Variants in DGKQ observed in about 807,000 individuals in gnomAD.
DGKQ encodes the protein DAG kinase theta.
DGKQ carries 97 observed loss-of-function variants against 104.2 expected under a neutral mutation model. The ratio of observed to expected loss-of-function variants is 0.93; its 90% CI spans 0.79 to 1.10. The LOEUF (loss-of-function observed/expected upper bound fraction) is 1.10, where lower values mean the gene tolerates loss of function less well. Among genes scored for constraint, DGKQ ranks in the 50% least tolerant of loss-of-function variants. The pLI is 0.00. For synonymous variants in DGKQ, 736 were observed against 595.2 expected, an observed-to-expected ratio of 1.24 and a Z score of -3.44; for missense variants, 1,465 against 1,352.1, an observed-to-expected ratio of 1.08 and a Z score of -1.31.
At position 967,817 on chromosome 4, in the gene DGKQ, C is replaced by A; in HGVS notation, c.812-15G>T. ...GCCCCCCTCGCCTGCGGGTCGGGCA[C>A]ACGGACCCCTCATTCAGTGCGCAGC... On this transcript the variant is annotated splice_polypyrimidine_tract_variant and intron_variant, in intron 6 of 22. Transcript: ENST00000273814. 1.3e-6 allele frequency: 2 copies of A among 1,585,722 alleles called. No individual in the cohort carries two copies. The highest frequency in any genetic ancestry group is 1.7e-6 in the Non-Finnish European group (2 of 1,167,296).
chr4:970,374 GCTGTCACCA>G (rs1199869473), intron 2 of DGKQ, among the ~76,000 whole-genome samples: 3 of 152,216 alleles, frequency 2.0e-5, no homozygotes, highest in Non-Finnish European at 4.4e-5. Flanking sequence ...ACATGTCCCT[GCTGTCACCA>G]CTGTCACCAG....
chr4:962,082 T>C lies in DGKQ; in HGVS notation c.2215A>G (p.Ile739Val). Residue 739 changes from isoleucine (I) to valine (V), a missense_variant and splice_region_variant, in exon 19 of 23, where the codon ATC becomes GTC. Ile to Val is a conservative substitution (Grantham distance 29). Coordinates refer to ENST00000273814, the MANE Select transcript of DGKQ (RefSeq NM_001347.4). ...CCACAGTAGTTACTCATCTGCACGA[T>C]CTGGGGACAGGGCGTTCATCTCCCA... Reference protein sequence around the residue: ...NDTADAEPPKIVQMSNYCGIG... With the variant: ...NDTADAEPPKVVQMSNYCGIG... 6.2e-7 allele frequency: 1 copy of C among 1,610,726 alleles called. No individual in the cohort carries two copies. Among genetic ancestry groups the C allele is most frequent in the Non-Finnish European group, 8.5e-7 (1 of 1,179,660 alleles).
intron 20 of DGKQ, 36 bp downstream of exon 20, chr4:961,652 C>T (rs200004798): frequency 1.1e-5 from 17 of 1,611,444 alleles, no homozygotes; most frequent in Middle Eastern, 1.7e-4. Context: ...ATGGCCCCGC[C>T]GGGCAGAGCC....
chr4:965,334 C>A lies in DGKQ; in HGVS notation c.1619-43G>T, dbSNP rs202157276. On this transcript the variant is annotated intron_variant, in intron 14 of 22. Transcript: ENST00000273814. ...GACTCAGGGGGAGCCTGTCCCATGG[C>A]CCCCACGGTGCCAGGGCAGGAACCA... 1.4e-4 allele frequency: 215 copies of A among 1,586,180 alleles called. No individual in the cohort carries two copies. The Middle Eastern group carries it at 2.0e-3, about 15-fold the overall frequency.
Position 961,970 on chromosome 4 carries a change from CG to C in DGKQ, c.2315+11del, listed in dbSNP as rs1233344317. The stretch of plus-strand genomic sequence containing the variant: ...TGCCGTTGACAGGTGGTAGCCCCTG[CG>C]GCTCCGGTACCTGCTTGTGAACTTG... On this transcript the variant is annotated intron_variant, in intron 19 of 22. Coordinates refer to ENST00000273814, the MANE Select transcript of DGKQ (RefSeq NM_001347.4). 1.9e-6 allele frequency: 3 copies of C among 1,612,352 alleles called. No homozygotes were observed. Among genetic ancestry groups the C allele is most frequent in the Non-Finnish European group, 2.5e-6 (3 of 1,179,320 alleles).
intron 2 of DGKQ, among the ~76,000 whole-genome samples, chr4:970,087 C>T (rs906347245): frequency 1.3e-5 from 2 of 152,256 alleles, no homozygotes; most frequent in African/African-American, 2.4e-5. Flanking sequence ...GTGTCGGCCA[C>T]CACCAGGACC....
In DGKQ at chr4:973,535, C is replaced by T. The variant is rs1008708110; in HGVS notation, c.-53G>A. The T allele has an allele frequency of 3.0e-6, 3 of 985,326 alleles. No individual in the cohort carries two copies. The highest frequency in any genetic ancestry group is 3.5e-5 in the African/African-American group (2 of 57,088). 61.0% of individuals were successfully genotyped at this position (985,326 alleles called of 1,614,324 possible). A position where few individuals can be genotyped will look rare whatever the true frequency, so the allele number is the denominator to read the frequency against. The stretch of plus-strand genomic sequence containing the variant: ...TAGGTCCGCGCCGGGGGTACAGGAG[C>T]CGCCGCTCCACGGCCCGGTACACTG... On this transcript the variant is annotated 5_prime_UTR_variant, in exon 1 of 23. Coordinates refer to ENST00000273814, the MANE Select transcript of DGKQ (RefSeq NM_001347.4).
intron 9 of DGKQ, 22 bp downstream of exon 9, chr4:967,107 T>C: frequency 1.3e-6 from 2 of 1,559,046 alleles, no homozygotes; most frequent in Non-Finnish European, 8.7e-7. Flanking sequence ...CAGCAGACCC[T>C]GAGCCTCGGG....
rs1183991549 is a variant in DGKQ at position 973,431 on chromosome 4, G to A, written c.52C>T (p.Pro18Ser). The A allele has an allele frequency of 9.1e-6, 9 of 989,482 alleles. No homozygotes were observed. Among genetic ancestry groups the A allele is most frequent in the Non-Finnish European group, 1.1e-5 (9 of 834,160 alleles). 61.3% of individuals were successfully genotyped at this position (989,482 alleles called of 1,614,324 possible). ...GARAWLGGGS[P>S]RPGSPACSPV... ...CTGCAGGCCGGGCTGCCGGGGCGCG[G>A]GGAGCCGCCGCCCAGCCAGGCGCGG... Residue 18 changes from proline (P) to serine (S), a missense_variant, in exon 1 of 23, where the codon CCG becomes TCG. Transcript: ENST00000273814.
chr4:965,836 G>T, intron 13 of DGKQ, 92 bp downstream of exon 13: 1 of 1,384,406 alleles, frequency 7.2e-7, no homozygotes, highest in Non-Finnish European at 9.7e-7. Flanking sequence ...GGCTCAAGGA[G>T]AGGCAGGAGC....
chr4:960,496 G>T lies in DGKQ; in HGVS notation c.*124C>A, dbSNP rs939553020. 4.8e-6 allele frequency: 4 copies of T among 836,586 alleles called. No homozygotes were observed. Among genetic ancestry groups the T allele is most frequent in the Non-Finnish European group, 5.8e-6 (3 of 513,988 alleles). The allele number at this position is 836,586 out of a possible 1,614,324, so 51.8% of individuals were successfully genotyped here. On this transcript the variant is annotated 3_prime_UTR_variant, in exon 23 of 23. Transcript: ENST00000273814. The stretch of plus-strand genomic sequence containing the variant: ...GTCACTGGGAAGATGCTGTGGTCAG[G>T]GCTGTAGCCAGGTCCGACCACAGGG...
Position 960,465 on chromosome 4 carries a change from C to T in DGKQ, c.*155G>A, listed in dbSNP as rs967624151. 13 of 660,544 alleles carry T rather than the reference C, an allele frequency of 2.0e-5. No homozygotes were observed. Among genetic ancestry groups the T allele is most frequent in the African/African-American group, 7.2e-5 (4 of 55,920 alleles). 40.9% of individuals were successfully genotyped at this position (660,544 alleles called of 1,614,324 possible). ...TCACCAATGGGATGAGGGCGGGTCC[C>T]GCTCCGTCACTGGGAAGATGCTGTG... On this transcript the variant is annotated 3_prime_UTR_variant, in exon 23 of 23. Coordinates refer to ENST00000273814, the MANE Select transcript of DGKQ (RefSeq NM_001347.4).
chr4:962,586 C>A lies in DGKQ; in HGVS notation c.2063G>T (p.Trp688Leu), dbSNP rs1560511482. 2 of 1,609,090 alleles carry A rather than the reference C, an allele frequency of 1.2e-6. No individual in the cohort carries two copies. The highest frequency in any genetic ancestry group is 2.2e-5 in the South Asian group (2 of 91,068). Residue 688 changes from tryptophan (W) to leucine (L), a missense_variant, in exon 18 of 23, where the codon TGG becomes TTG. Coordinates refer to ENST00000273814, the MANE Select transcript of DGKQ (RefSeq NM_001347.4). ...GTCCTCGCCGCTGTAGCCCGCCCCC[C>A]AGCGGAGGACTCGACCAAGGTCATT... is the stretch of plus-strand genomic sequence containing the variant. Reference protein sequence around the residue: ...TGNDLGRVLRWGAGYSGEDPF... With the variant: ...TGNDLGRVLRLGAGYSGEDPF...
intron 16 of DGKQ, 37 bp from the exon 17 acceptor site, chr4:962,957 G>C (rs1431634253): frequency 6.3e-7 from 1 of 1,581,182 alleles, no homozygotes; most frequent in African/African-American, 1.3e-5. Flanking sequence ...ACCAGCTGCG[G>C]GCGCAGCCCA....
rs1712962616 is a variant in DGKQ, at chr4:971,925, C to T, written c.272-853G>A. Among the ~76,000 whole-genome samples the T allele has an allele frequency of 6.6e-6, 1 of 152,118 alleles. No homozygotes were observed. Among genetic ancestry groups the T allele is most frequent in the South Asian group, 2.1e-4 (1 of 4,826 alleles). On this transcript the variant is annotated intron_variant, in intron 1 of 22. Coordinates refer to ENST00000273814, the MANE Select transcript of DGKQ (RefSeq NM_001347.4). This position sits in a 1 kb window ranked among gnomAD's most constrained non-coding sequence, Gnocchi z 4.0. Reference sequence around the variant, plus strand: ...CGCCCTTCACCTGCTGCAGCCCTAGCCACCCCAGTCTCCAGATGGGACCGG... The same window carrying T: ...CGCCCTTCACCTGCTGCAGCCCTAGTCACCCCAGTCTCCAGATGGGACCGG...
chr4:967,533 C>T lies in DGKQ; in HGVS notation c.987+16G>A. On this transcript the variant is annotated intron_variant, in intron 8 of 22. Coordinates refer to ENST00000273814, the MANE Select transcript of DGKQ (RefSeq NM_001347.4). ...TCCTGGGAGGGGGCTCAGACCTCCC[C>T]CAGCCTCCCCCTTACCAGCACCTCC... 1.2e-6 allele frequency: 2 copies of T among 1,610,290 alleles called. No individual in the cohort carries two copies. Among genetic ancestry groups the T allele is most frequent in the East Asian group, 2.2e-5 (1 of 44,826 alleles).
rs1711791301 is a variant in DGKQ, at chr4:960,467, C to G, written c.*153G>C. ...ACCAATGGGATGAGGGCGGGTCCCG[C>G]TCCGTCACTGGGAAGATGCTGTGGT... On this transcript the variant is annotated 3_prime_UTR_variant, in exon 23 of 23. Coordinates refer to ENST00000273814, the MANE Select transcript of DGKQ (RefSeq NM_001347.4). 9 of 669,048 alleles carry G rather than the reference C, an allele frequency of 1.3e-5. No individual in the cohort carries two copies. The highest frequency in any genetic ancestry group is 3.6e-5 in the African/African-American group (2 of 56,050). The allele number at this position is 669,048 out of a possible 1,614,324, so 41.4% of individuals were successfully genotyped here. A position where few individuals can be genotyped will look rare whatever the true frequency, so the allele number is the denominator to read the frequency against.
rs758825449 is a variant in DGKQ, at chr4:966,778, G to A, written c.1336C>T (p.Leu446=). ...CTGCAGCCCATCGCCACCTCCACCA[G>A]CTGGAAGCTCTCGGGACTCTCGGCC... ...RQAESPESFQ[L]VEVAMGCRHV... Residue 446 remains leucine (L), a synonymous_variant, in exon 11 of 23, where the codon CTG becomes TTG. Coordinates refer to ENST00000273814, the MANE Select transcript of DGKQ (RefSeq NM_001347.4). 17 of 1,610,008 alleles carry A rather than the reference G, an allele frequency of 1.1e-5. No homozygotes were observed. The highest frequency in any genetic ancestry group is 1.7e-5 in the Admixed American group (1 of 59,724).
intron 18 of DGKQ, 123 bp from the exon 19 acceptor site, chr4:962,205 C>T (rs1711938782): frequency 5.2e-6 from 5 of 961,790 alleles, no homozygotes; most frequent in Admixed American, 2.2e-5. Context: ...AGCCGAGCAC[C>T]CAGGAGAGGG....
Sources: gnomAD v4.1 joint callset for allele counts (sites outside exome capture counted in the v4.1 genomes callset) on GRCh38, gnomAD v4.1.1 for gene constraint, Gnocchi (gnomAD v3.1) non-coding constraint, MANE v1.5 for transcripts, NCBI Gene and HGNC (gene_info 2026-07-23, HGNC 2026-07-21) for gene names.